Variants in SESTD1 observed in about 807,000 individuals in gnomAD.
SESTD1 encodes SEC14 domain and spectrin repeat-containing protein 1.
In SESTD1, 43 loss-of-function variants were observed where a neutral mutation model predicts 101.7. The ratio of observed to expected loss-of-function variants is 0.42; its 90% CI spans 0.33 to 0.55. The LOEUF (loss-of-function observed/expected upper bound fraction) is 0.55, where lower values mean the gene tolerates loss of function less well. Ranked by LOEUF, SESTD1 falls within the 20% of genes least tolerant of loss-of-function variation. SESTD1 has a pLI of 0.07. For synonymous variants in SESTD1, 283 were observed against 286.8 expected (o/e 0.99, Z 0.13); for missense variants, 647 against 815.1 (o/e 0.79, Z 2.51).
chr2:179,195,969 G>A (rs1324331363), intron 1 of SESTD1, among the ~76,000 whole-genome samples: 3 of 152,076 alleles, frequency 2.0e-5, no homozygotes, highest in Non-Finnish European at 4.4e-5. Flanking sequence ...TGGCCGAATA[G>A]GAACAGCTCC....
chr2:179,178,068 T>G (rs764526027), intron 3 of SESTD1, among the ~76,000 whole-genome samples: 2 of 152,180 alleles, frequency 1.3e-5, no homozygotes, highest in Non-Finnish European at 2.9e-5. Context: ...TGAGTGCCAA[T>G]GGGAACACAG....
At chr2:179,247,539 C>T (rs550866726) in intron 1 of SESTD1, among the ~76,000 whole-genome samples, 1 of 152,314 alleles carries the variant, frequency 6.6e-6, no homozygotes, top group Admixed American at 6.5e-5. Context: ...ATCCCTCCCA[C>T]ATCAGCTCCT....
chr2:179,149,458 G>C, intron 6 of SESTD1, 64 bp from the exon 7 acceptor site: 1 of 1,143,754 alleles, frequency 8.7e-7, no homozygotes, highest in Non-Finnish European at 1.2e-6. Context: ...AATAAGGATT[G>C]TCAGTTAAGA....
intron 1 of SESTD1, among the ~76,000 whole-genome samples, chr2:179,214,162 T>A (rs2046687378): frequency 7.5e-6 from 1 of 134,118 alleles, no homozygotes; most frequent in Non-Finnish European, 1.6e-5. Context: ...GGCTAAATGC[T>A]CCAATTAAAA....
At chr2:179,240,823 G>A (rs1003373380) in intron 1 of SESTD1, among the ~76,000 whole-genome samples, 2 of 152,092 alleles carry the variant, frequency 1.3e-5, no homozygotes, top group African/African-American at 4.8e-5. Context: ...ATCTAGTAAT[G>A]ATCTCCCACC....
intron 10 of SESTD1, 138 bp from the exon 11 acceptor site, chr2:179,124,696 A>C: frequency 2.9e-6 from 2 of 684,446 alleles, no homozygotes; most frequent in Non-Finnish European, 4.8e-6. Context: ...TTGAGGGTGG[A>C]AAGTTCCTAA....
rs1414724103 is a variant in SESTD1 at position 179,108,509 on chromosome 2, A to G, written c.*1390T>C. 6.6e-6 allele frequency: 1 copy of G among 152,086 alleles called. No homozygotes were observed. Among genetic ancestry groups the G allele is most frequent in the African/African-American group, 2.4e-5 (1 of 41,406 alleles). 9.4% of individuals were successfully genotyped at this position (152,086 alleles called of 1,614,324 possible). ...GCAAGGTGCTGAGTAGTGAGTGATG[A>G]GGATGTAGGGGCACTGGATGTGGAT... is the stretch of plus-strand genomic sequence containing the variant. On this transcript the variant is annotated 3_prime_UTR_variant, in exon 18 of 18. Coordinates refer to ENST00000428443, the MANE Select transcript of SESTD1 (RefSeq NM_178123.5).
chr2:179,160,929 T>C (rs1334338554), intron 5 of SESTD1, among the ~76,000 whole-genome samples: 3 of 152,090 alleles, frequency 2.0e-5, no homozygotes, highest in African/African-American at 7.2e-5. Flanking sequence ...ATAACACACC[T>C]TAAACAATTA....
At position 179,145,246 on chromosome 2, in the gene SESTD1, C is replaced by A. The variant is rs1469613521; in HGVS notation, c.637+1156G>T. ...CCTTGATTATTTTTCTTGTCGATAT[C>A]ATTTTCATTAGAGAAGCAGCATAGC... On this transcript the variant is annotated intron_variant, in intron 8 of 17. Coordinates refer to ENST00000428443, the MANE Select transcript of SESTD1 (RefSeq NM_178123.5). Among the ~76,000 whole-genome samples the A allele has an allele frequency of 6.6e-5, 10 of 152,186 alleles. No homozygotes were observed. In the South Asian group the frequency reaches 1.9e-3, roughly 28 times the overall value.
At position 179,202,109 on chromosome 2, in the gene SESTD1, G is replaced by C. The variant is rs183928085; in HGVS notation, c.-25-10243C>G. On this transcript the variant is annotated intron_variant, in intron 1 of 17. Transcript: ENST00000428443. Reference sequence around the variant, plus strand: ...AAATGAAAGGGAATTATTTAGGATAGTCTTTCTAACATTGCCTCTCCCCAT... The same window carrying C: ...AAATGAAAGGGAATTATTTAGGATACTCTTTCTAACATTGCCTCTCCCCAT... Among the ~76,000 whole-genome samples, 31 of 133,102 alleles carry C rather than the reference G, an allele frequency of 2.3e-4. 8 individuals are homozygous for C. The highest frequency in any genetic ancestry group is 5.8e-4 in the Admixed American group (8 of 13,734). 87.3% of individuals were successfully genotyped at this position (133,102 alleles called of 152,430 possible). A position where few individuals can be genotyped will look rare whatever the true frequency, so the allele number is the denominator to read the frequency against.
chr2:179,246,045 A>G (rs1043262630), intron 1 of SESTD1, among the ~76,000 whole-genome samples: 3 of 152,182 alleles, frequency 2.0e-5, no homozygotes, highest in African/African-American at 7.2e-5. Context: ...CCACAAGGTC[A>G]GGAGTTCGAG....
intron 1 of SESTD1, among the ~76,000 whole-genome samples, chr2:179,260,386 C>T (rs1282554607): frequency 6.6e-6 from 1 of 152,170 alleles, no homozygotes; most frequent in Non-Finnish European, 1.5e-5. Context: ...CATGGTGGCA[C>T]ATGCCTGTAC....
chr2:179,125,251 G>A (rs2044845214), intron 10 of SESTD1, among the ~76,000 whole-genome samples: 1 of 152,074 alleles, frequency 6.6e-6, no homozygotes, highest in South Asian at 2.1e-4. Context: ...ATTCACCTCT[G>A]TTTGTAGGCT....
At chr2:179,153,382 G>A (rs772742616) in intron 5 of SESTD1, among the ~76,000 whole-genome samples, 4 of 152,144 alleles carry the variant, frequency 2.6e-5, no homozygotes, top group Non-Finnish European at 4.4e-5. Flanking sequence ...TTTTTGGCAA[G>A]GGAGGAAGGA....
intron 5 of SESTD1, among the ~76,000 whole-genome samples, chr2:179,169,263 A>C (rs1035263069): frequency 1.9e-4 from 29 of 152,314 alleles, no homozygotes; most frequent in African/African-American, 7.0e-4. Flanking sequence ...GATACAACAC[A>C]CTAACACTAA....
rs1056897899 is a variant in SESTD1 at position 179,171,263 on chromosome 2, A to G, written c.369+857T>C. On this transcript the variant is annotated intron_variant, in intron 5 of 17. Transcript: ENST00000428443. ...GTAAAGAATAAAACCATGTATTTTT[A>G]AGAAATTTCAAGCCATCTCCTTTAA... 3.9e-5 allele frequency among the ~76,000 whole-genome samples: 6 copies of G among 152,344 alleles called. No homozygotes were observed. In the East Asian group the frequency reaches 9.6e-4, roughly 24 times the overall value.
At chr2:179,151,729 C>T (rs1211800701) in intron 5 of SESTD1, among the ~76,000 whole-genome samples, 1 of 152,110 alleles carries the variant, frequency 6.6e-6, no homozygotes, top group East Asian at 1.9e-4. Context: ...TTCACATCAT[C>T]TTAAAATTAG....
intron 1 of SESTD1, among the ~76,000 whole-genome samples, chr2:179,250,839 TAC>T (rs966240019): frequency 6.6e-6 from 1 of 152,178 alleles, no homozygotes; most frequent in Non-Finnish European, 1.5e-5. Flanking sequence ...ATATTAACAG[TAC>T]AGACACTATG....
chr2:179,134,898 C>G (rs2045103166), intron 9 of SESTD1, among the ~76,000 whole-genome samples: 1 of 152,234 alleles, frequency 6.6e-6, no homozygotes, highest in Non-Finnish European at 1.5e-5. Context: ...ATAGTTTGAT[C>G]TACAATAACC....
Sources: gnomAD v4.1 joint callset for allele counts (sites outside exome capture counted in the v4.1 genomes callset) on GRCh38, gnomAD v4.1.1 for gene constraint, MANE v1.5 for transcripts, NCBI Gene and HGNC (gene_info 2026-07-23, HGNC 2026-07-21) for gene names.